Variants in WDR89 observed in about 807,000 individuals in gnomAD.
WDR89 encodes the protein WD repeat domain 89, also known as WD repeat-containing protein 89.
WDR89 carries 17 observed loss-of-function variants against 29.1 expected under a neutral mutation model. That is an observed-to-expected ratio of 0.58 (90% CI 0.40 to 0.88). WDR89 has a LOEUF of 0.88. Among genes scored for constraint, WDR89 ranks in the 40% least tolerant of loss-of-function variants. The probability of loss-of-function intolerance (pLI) is 0.00; values close to 1 mark genes in which losing one functional copy is unlikely to be tolerated. For missense variants in WDR89, 396 were observed against 456.3 expected, an observed-to-expected ratio of 0.87 and a Z score of 1.20; for synonymous variants, 138 against 157.8, an observed-to-expected ratio of 0.87 and a Z score of 0.94.
chr14:63,607,293 G>A (rs1439907586), intron 2 of WDR89, among the ~76,000 whole-genome samples: 1 of 152,022 alleles, frequency 6.6e-6, no homozygotes, highest in Non-Finnish European at 1.5e-5. Flanking sequence ...CTCCCAAGTA[G>A]CTGGGACTAC....
chr14:63,600,375 A>G (rs986914191), intron 2 of WDR89, among the ~76,000 whole-genome samples: 2 of 152,156 alleles, frequency 1.3e-5, no homozygotes, highest in African/African-American at 4.8e-5. Flanking sequence ...CTATGCCTGT[A>G]GTCCTAGCTA....
chr14:63,619,276 T>C (rs1167679499), intron 2 of WDR89, among the ~76,000 whole-genome samples: 2 of 152,216 alleles, frequency 1.3e-5, no homozygotes, highest in East Asian at 1.9e-4. Flanking sequence ...GGTATATAAA[T>C]GTTAACTATA....
At chr14:63,632,526 G>C (rs181273375) in intron 1 of WDR89, among the ~76,000 whole-genome samples, 3 of 152,216 alleles carry the variant, frequency 2.0e-5, no homozygotes, top group Admixed American at 1.3e-4. Context: ...TCAGCTACTA[G>C]GGAGGCTAAG....
At chr14:63,635,891 C>A (rs1595041391) in intron 1 of WDR89, among the ~76,000 whole-genome samples, 1 of 152,182 alleles carries the variant, frequency 6.6e-6, no homozygotes, top group East Asian at 1.9e-4. Context: ...GCTGCAAAAA[C>A]AAACAAACAA....
intron 1 of WDR89, among the ~76,000 whole-genome samples, chr14:63,633,238 T>C (rs545741338): frequency 6.6e-6 from 1 of 152,174 alleles, no homozygotes; most frequent in Non-Finnish European, 1.5e-5. Context: ...AATATGTGTG[T>C]AAGTATATAT....
intron 2 of WDR89, among the ~76,000 whole-genome samples, chr14:63,622,718 G>C (rs1453082160): frequency 6.6e-6 from 1 of 151,980 alleles, no homozygotes; most frequent in Non-Finnish European, 1.5e-5. Flanking sequence ...AGTGAGCTGA[G>C]ATTAGCTCAC....
chr14:63,598,502 C>T lies in WDR89; in HGVS notation c.*277G>A, dbSNP rs920837378. 2.5e-5 allele frequency: 6 copies of T among 241,726 alleles called. No homozygotes were observed. Among genetic ancestry groups the T allele is most frequent in the African/African-American group, 4.5e-5 (2 of 44,718 alleles). The allele number at this position is 241,726 out of a possible 1,614,324, so 15.0% of individuals were successfully genotyped here. On this transcript the variant is annotated 3_prime_UTR_variant, in exon 3 of 3. Coordinates refer to ENST00000620954, the MANE Select transcript of WDR89 (RefSeq NM_080666.4). ...GTATTTCCTTCTAAAAAGTCCTTATCGGAGCTATTTCTTTAAAGCCAACAT... is the reference window on the plus strand; with the variant it reads ...GTATTTCCTTCTAAAAAGTCCTTATTGGAGCTATTTCTTTAAAGCCAACAT...
In WDR89 at chr14:63,597,968, G is replaced by C. The variant is rs1037836062; in HGVS notation, c.*811C>G. On this transcript the variant is annotated 3_prime_UTR_variant, in exon 3 of 3. Coordinates refer to ENST00000620954, the MANE Select transcript of WDR89 (RefSeq NM_080666.4). ...GTGAGGTAAAGGCAAAAGGATAGCT[G>C]ACAGACGTTAGGAGGTGAAATGGCA... 6 of 152,224 alleles carry C rather than the reference G, an allele frequency of 3.9e-5. No homozygotes were observed. The highest frequency in any genetic ancestry group is 1.4e-4 in the African/African-American group (6 of 41,458). The allele number at this position is 152,224 out of a possible 1,614,324, so 9.4% of individuals were successfully genotyped here.
intron 1 of WDR89, among the ~76,000 whole-genome samples, chr14:63,632,447 A>G (rs1011341163): frequency 1.3e-5 from 2 of 152,166 alleles, no homozygotes; most frequent in Non-Finnish European, 2.9e-5. Context: ...CCTGGCCAAC[A>G]TGGTGAAACC....
At chr14:63,633,233 G>T (rs750233403) in intron 1 of WDR89, among the ~76,000 whole-genome samples, 2 of 151,888 alleles carry the variant, frequency 1.3e-5, no homozygotes, top group African/African-American at 2.4e-5. Flanking sequence ...GTATAAATAT[G>T]TGTGTAAGTA....
rs56059698 is a variant in WDR89, at chr14:63,600,717, CAAAAAAAAAAAAAAAAAAAAAAA to C, written c.-31-767_-31-745del. Among the ~76,000 whole-genome samples, 7 of 36,210 alleles carry C rather than the reference CAAAAAAAAAAAAAAAAAAAAAAA, an allele frequency of 1.9e-4. 1 individual carries two copies. The highest frequency in any genetic ancestry group is 2.9e-4 in the African/African-American group (5 of 17,114). The allele number at this position is 36,210 out of a possible 152,430, so 23.8% of individuals were successfully genotyped here. A position where few individuals can be genotyped will look rare whatever the true frequency, so the allele number is the denominator to read the frequency against. ...TAGAATTTAAACATAGATATGTAGG[CAAAAAAAAAAAAAAAAAAAAAAA>C]AAAAAAAAAAAAAAGGTTTCCCAAA... On this transcript the variant is annotated intron_variant, in intron 2 of 2. Transcript: ENST00000620954.
chr14:63,609,565 G>A (rs1041525591), intron 2 of WDR89, among the ~76,000 whole-genome samples: 2 of 152,256 alleles, frequency 1.3e-5, no homozygotes, highest in East Asian at 3.9e-4. Flanking sequence ...GAGGCGGGCG[G>A]ATCACCTGAG....
chr14:63,620,004 C>CAAAAAAA (rs71120271), intron 2 of WDR89, among the ~76,000 whole-genome samples: 83 of 71,802 alleles, frequency 1.2e-3, no homozygotes, highest in Middle Eastern at 8.8e-3. Context: ...GACTCCATCT[C>CAAAAAAA]AAAAAAAAAA....
chr14:63,639,613 A>G (rs1447344943), intron 1 of WDR89, among the ~76,000 whole-genome samples: 1 of 152,238 alleles, frequency 6.6e-6, no homozygotes, highest in Non-Finnish European at 1.5e-5. Flanking sequence ...GAATTAACAT[A>G]AAGACCATTC....
intron 2 of WDR89, among the ~76,000 whole-genome samples, chr14:63,619,036 G>A (rs971892554): frequency 3.3e-5 from 5 of 152,188 alleles, no homozygotes; most frequent in African/African-American, 4.8e-5. Context: ...TTATGTGTGC[G>A]TATTTTTAAA....
chr14:63,630,726 G>A (rs1471409790), intron 1 of WDR89: 2 of 151,552 alleles, frequency 1.3e-5, no homozygotes, highest in African/African-American at 2.4e-5. Flanking sequence ...CCACAGAGAT[G>A]AGCATGGCCC....
rs764994750 is a variant in WDR89 at position 63,599,929 on chromosome 14, T to C, written c.14A>G (p.Glu5Gly). The C allele has an allele frequency of 3.1e-6, 5 of 1,597,992 alleles. No individual in the cohort carries two copies. The highest frequency in any genetic ancestry group is 4.3e-6 in the Non-Finnish European group (5 of 1,169,850). The stretch of plus-strand genomic sequence containing the variant: ...AATGTGCAGATTAGCAAATTGTTCC[T>C]CAATCTTTTCCATGTCAACAGCAGC... MEKI[E>G]EQFANLHIVK... is the part of the protein sequence containing the mutation. The change falls in exon 3 of 3, where the codon GAG (glutamate) becomes GGG (glycine). Residue 5 changes from glutamate to glycine, a missense_variant. Coordinates refer to ENST00000620954, the MANE Select transcript of WDR89 (RefSeq NM_080666.4).
At chr14:63,610,219 TAAAAAAAA>T (rs56984803) in intron 2 of WDR89, among the ~76,000 whole-genome samples, 1 of 65,326 alleles carries the variant, frequency 1.5e-5, no homozygotes, top group African/African-American at 7.2e-5. Context: ...GACTCTGTCT[TAAAAAAAA>T]AAAAAAAAAA....
At chr14:63,635,799 T>C (rs1595041314) in intron 1 of WDR89, among the ~76,000 whole-genome samples, 1 of 152,220 alleles carries the variant, frequency 6.6e-6, no homozygotes, top group Admixed American at 6.5e-5. Context: ...ACAAGATTAA[T>C]GTACACAAAT....
Sources: gnomAD v4.1 joint callset for allele counts (sites outside exome capture counted in the v4.1 genomes callset) on GRCh38, gnomAD v4.1.1 for gene constraint, MANE v1.5 for transcripts, NCBI Gene and HGNC (gene_info 2026-07-23, HGNC 2026-07-21) for gene names.